The following KLHL1 variants were observed in gnomAD, a reference collection of about 807,000 sequenced individuals.
KLHL1 encodes kelch-like protein 1.
A neutral mutation model predicts 77.7 loss-of-function variants in KLHL1; 47 were observed. That is an observed-to-expected ratio of 0.60 (90% CI 0.48 to 0.77). The LOEUF (loss-of-function observed/expected upper bound fraction) is 0.77. Among genes scored for constraint, KLHL1 ranks in the 30% least tolerant of loss-of-function variants. KLHL1 has a pLI of 0.00. For synonymous variants in KLHL1, 360 were observed against 325.2 expected, an observed-to-expected ratio of 1.11 and a Z score of -1.15; for missense variants, 925 against 910.8, an observed-to-expected ratio of 1.02 and a Z score of -0.20.
intron 1 of KLHL1, among the ~76,000 whole-genome samples, chr13:70,047,399 T>TTGTGTGTGTG (rs140790054): frequency 9.3e-5 from 14 of 149,776 alleles, no homozygotes; most frequent in Admixed American, 1.3e-4. Flanking sequence ...GGAAATCTGT[T>TTGTGTGTGTG]TGTGTGTGTG....
chr13:69,729,489 T>A (rs966308297), intron 8 of KLHL1, among the ~76,000 whole-genome samples: 2 of 152,122 alleles, frequency 1.3e-5, no homozygotes, highest in East Asian at 1.9e-4. Context: ...GAATGACACA[T>A]TAGTGTTACG....
At chr13:69,955,018 C>T (rs984367145) in intron 3 of KLHL1, among the ~76,000 whole-genome samples, 2 of 150,994 alleles carry the variant, frequency 1.3e-5, no homozygotes, top group African/African-American at 4.8e-5. Flanking sequence ...AATAATAATA[C>T]ATAAAACCAG....
At chr13:69,863,168 G>A (rs2138157167) in intron 5 of KLHL1, among the ~76,000 whole-genome samples, 1 of 151,854 alleles carries the variant, frequency 6.6e-6, no homozygotes, top group East Asian at 1.9e-4. Context: ...AGTTGTATTG[G>A]CATTTTGTAT....
intron 2 of KLHL1, among the ~76,000 whole-genome samples, chr13:69,963,423 T>C (rs1048017021): frequency 6.6e-6 from 1 of 152,188 alleles, no homozygotes; most frequent in Non-Finnish European, 1.5e-5. Flanking sequence ...TTAAAGTGGT[T>C]ACTCTACGGC....
chr13:70,000,773 CAAT>C (rs1360736988), intron 1 of KLHL1, among the ~76,000 whole-genome samples: 4 of 151,336 alleles, frequency 2.6e-5, no homozygotes, highest in African/African-American at 9.7e-5. Context: ...AATACAGCTA[CAAT>C]GTTACATTAA....
intron 8 of KLHL1, among the ~76,000 whole-genome samples, chr13:69,728,427 G>C (rs936774359): frequency 1.8e-4 from 27 of 151,844 alleles, no homozygotes; most frequent in Middle Eastern, 3.4e-3. Context: ...TTGTTTGTTT[G>C]TTTGTTTGAG....
chr13:70,106,533 C>A (rs1888060333), intron 1 of KLHL1, among the ~76,000 whole-genome samples: 1 of 152,066 alleles, frequency 6.6e-6, no homozygotes, highest in Non-Finnish European at 1.5e-5. Context: ...GACAAAATTT[C>A]AATACTGAGC....
intron 6 of KLHL1, among the ~76,000 whole-genome samples, chr13:69,836,023 G>A (rs1878974720): frequency 6.6e-6 from 1 of 152,046 alleles, no homozygotes; most frequent in Admixed American, 6.6e-5. Flanking sequence ...AAATTTAGCT[G>A]TTTTAAGACA....
intron 5 of KLHL1, among the ~76,000 whole-genome samples, chr13:69,853,422 C>T (rs946406621): frequency 2.6e-5 from 4 of 151,948 alleles, no homozygotes; most frequent in African/African-American, 9.7e-5. Context: ...CCGAGGCCTC[C>T]CCAGCCATGC....
intron 3 of KLHL1, among the ~76,000 whole-genome samples, chr13:69,957,269 T>G (rs773837526): frequency 1.3e-5 from 2 of 151,704 alleles, no homozygotes; most frequent in Non-Finnish European, 3.0e-5. Context: ...ACATAGATTT[T>G]ACTACTTTTA....
At chr13:69,937,229 T>A (rs1339426704) in intron 4 of KLHL1, among the ~76,000 whole-genome samples, 6 of 152,158 alleles carry the variant, frequency 3.9e-5, no homozygotes, top group African/African-American at 1.4e-4. Flanking sequence ...AGATCAATTC[T>A]AAAACTATAC....
intron 8 of KLHL1, among the ~76,000 whole-genome samples, chr13:69,738,269 T>G (rs1873845991): frequency 6.6e-6 from 1 of 152,002 alleles, no homozygotes; most frequent in East Asian, 1.9e-4. Flanking sequence ...CAAAGGCAGA[T>G]AAATCCATGA....
chr13:69,996,314 T>A (rs1378598618), intron 1 of KLHL1, among the ~76,000 whole-genome samples: 3 of 151,434 alleles, frequency 2.0e-5, no homozygotes, highest in African/African-American at 7.3e-5. Context: ...AAAAATAAAA[T>A]AAAAAAATTT....
rs554507419 is a variant in KLHL1 at position 69,793,438 on chromosome 13, T to C, written c.1639+3300A>G. On this transcript the variant is annotated intron_variant, in intron 7 of 10. Coordinates refer to ENST00000377844, the MANE Select transcript of KLHL1 (RefSeq NM_020866.3). ...CATTTTTCGATAGCTGTGAAACATT[T>C]TAAACCACGCAGTTTTAGCAACTAC... Among the ~76,000 whole-genome samples, 151 of 152,072 alleles carry C rather than the reference T, an allele frequency of 9.9e-4. 1 individual carries two copies. Among genetic ancestry groups the C allele is most frequent in the Middle Eastern group, 3.4e-3 (1 of 294 alleles).
At chr13:69,740,686 A>G in intron 7 of KLHL1, 130 bp from the exon 8 acceptor site, 1 of 565,724 alleles carries the variant, frequency 1.8e-6, no homozygotes, top group Non-Finnish European at 2.8e-6. Flanking sequence ...TTAAAAATTG[A>G]ATAGATTTAT....
chr13:69,836,777 A>G (rs1244464620), intron 6 of KLHL1, among the ~76,000 whole-genome samples: 1 of 152,040 alleles, frequency 6.6e-6, no homozygotes, highest in African/African-American at 2.4e-5. Context: ...TATTAACGTA[A>G]TTTCATTTAA....
intron 9 of KLHL1, among the ~76,000 whole-genome samples, chr13:69,710,184 A>G (rs1376625460): frequency 6.6e-6 from 1 of 151,886 alleles, no homozygotes; most frequent in Admixed American, 6.6e-5. Flanking sequence ...AAGTTCTTCA[A>G]GTGAAACTCA....
intron 3 of KLHL1, 51 bp downstream of exon 3, chr13:69,961,257 G>T (rs748944569): frequency 2.6e-6 from 4 of 1,548,954 alleles, no homozygotes; most frequent in South Asian, 1.2e-5. Flanking sequence ...TAAAGGAAAT[G>T]AGCTAAAATT....
At chr13:69,977,339 TG>T (rs1348801819) in intron 1 of KLHL1, among the ~76,000 whole-genome samples, 18 of 152,014 alleles carry the variant, frequency 1.2e-4, no homozygotes, top group African/African-American at 3.6e-4. Flanking sequence ...TCAAGTCATA[TG>T]AAAAAAATCA....
Sources: allele counts gnomAD v4.1 joint callset (sites outside exome capture counted in the v4.1 genomes callset), GRCh38; gene constraint gnomAD v4.1.1; transcripts MANE v1.5; gene names NCBI Gene and HGNC (gene_info 2026-07-23, HGNC 2026-07-21).